The following TAFA2 variants were observed in gnomAD, a reference collection of about 807,000 sequenced individuals.
TAFA2 encodes the protein chemokine-like protein TAFA-2.
TAFA2 carries 7 observed loss-of-function variants against 18.8 expected under a neutral mutation model. That is an observed-to-expected ratio of 0.37 (90% CI 0.21 to 0.70). The LOEUF (loss-of-function observed/expected upper bound fraction) is 0.70. TAFA2 is among the 30% of genes least tolerant of loss of function. TAFA2 has a pLI of 0.53. For missense variants in TAFA2, 122 were observed against 158.1 expected (o/e 0.77, Z 1.23); for synonymous variants, 60 against 54.2 (o/e 1.11, Z -0.47).
chr12:62,093,050 A>C (rs866490973), intron 1 of TAFA2, among the ~76,000 whole-genome samples: 8 of 152,140 alleles, frequency 5.3e-5, no homozygotes, highest in Middle Eastern at 3.4e-3. Context: ...TAATCAATAC[A>C]TCAGTCTATT....
chr12:62,178,709 C>A (rs1029990478), intron 1 of TAFA2, among the ~76,000 whole-genome samples: 2 of 152,168 alleles, frequency 1.3e-5, no homozygotes, highest in Non-Finnish European at 2.9e-5. Flanking sequence ...TTATGGAACC[C>A]ATATCTTTTA....
chr12:61,992,707 C>T (rs1880052176), intron 1 of TAFA2, among the ~76,000 whole-genome samples: 1 of 152,176 alleles, frequency 6.6e-6, no homozygotes, highest in African/African-American at 2.4e-5. Context: ...ACCACCTCCT[C>T]CAATCCCCTT....
chr12:61,818,390 T>C (rs976806147), intron 2 of TAFA2, among the ~76,000 whole-genome samples: 2 of 151,778 alleles, frequency 1.3e-5, no homozygotes, highest in Admixed American at 1.3e-4. Context: ...ATCAGTAAAA[T>C]TGGGATGAAA....
At chr12:61,796,542 G>A (rs1871197332) in intron 2 of TAFA2, among the ~76,000 whole-genome samples, 1 of 152,082 alleles carries the variant, frequency 6.6e-6, no homozygotes, top group African/African-American at 2.4e-5. Context: ...GAACTAGGGT[G>A]ACTGGGAAGA....
chr12:61,894,728 T>C (rs980968965), intron 1 of TAFA2, among the ~76,000 whole-genome samples: 1 of 152,192 alleles, frequency 6.6e-6, no homozygotes, highest in African/African-American at 2.4e-5. Flanking sequence ...ATTGCCCACA[T>C]GGTTCTTGTA....
intron 1 of TAFA2, among the ~76,000 whole-genome samples, chr12:61,977,267 G>T (rs530553317): frequency 1.3e-5 from 2 of 152,106 alleles, no homozygotes; most frequent in African/African-American, 2.4e-5. Context: ...CATTTAGCAG[G>T]ATCTTTGGAT....
intron 1 of TAFA2, among the ~76,000 whole-genome samples, chr12:62,215,614 A>C (rs1463274627): frequency 6.9e-6 from 1 of 144,742 alleles, no homozygotes; most frequent in Non-Finnish European, 1.5e-5. Flanking sequence ...GCTTAAGAGA[A>C]ACAACTCGTT....
At chr12:62,010,489 G>A (rs563965792) in intron 1 of TAFA2, among the ~76,000 whole-genome samples, 36 of 152,202 alleles carry the variant, frequency 2.4e-4, no homozygotes, top group African/African-American at 8.2e-4. Flanking sequence ...GTGCAGTGGC[G>A]TGATCTCAGC....
chr12:61,836,329 T>G (rs1364785187), intron 2 of TAFA2, among the ~76,000 whole-genome samples: 1 of 151,876 alleles, frequency 6.6e-6, no homozygotes, highest in Non-Finnish European at 1.5e-5. Flanking sequence ...TTTAAAATGG[T>G]GAGTGTAAAG....
intron 2 of TAFA2, among the ~76,000 whole-genome samples, chr12:61,830,438 C>A (rs1872675642): frequency 6.6e-6 from 1 of 151,526 alleles, no homozygotes; most frequent in South Asian, 2.1e-4. Flanking sequence ...AAAATCATGT[C>A]TTTTGCAGCA....
At chr12:61,811,112 A>C (rs1484538864) in intron 2 of TAFA2, among the ~76,000 whole-genome samples, 1 of 151,374 alleles carries the variant, frequency 6.6e-6, no homozygotes, top group African/African-American at 2.5e-5. Context: ...GCGTTCCTTA[A>C]AAAGGGAAGT....
intron 1 of TAFA2, among the ~76,000 whole-genome samples, chr12:62,220,753 T>TA (rs60803826): frequency 0.014 from 2,094 of 150,076 alleles, 34 homozygotes; most frequent in African/African-American, 0.039. Context: ...CTAAAACTGC[T>TA]AAAAAAAAAT....
intron 1 of TAFA2, among the ~76,000 whole-genome samples, chr12:62,221,215 GGGGAAGGAAGGAAGGAA>G (rs1565782381): frequency 6.1e-5 from 4 of 65,952 alleles, no homozygotes; most frequent in Non-Finnish European, 8.2e-5. Context: ...GGAAGGAAGG[GGGGAAGGAAGGAAGGAA>G]GGAAGGAAGG....
intron 1 of TAFA2, chr12:62,253,511 T>C (rs2062924516): frequency 6.6e-6 from 1 of 152,240 alleles, no homozygotes; most frequent in African/African-American, 2.4e-5. Flanking sequence ...ATCAAGGTTT[T>C]AGCAAGGCTC....
At chr12:62,030,325 A>C (rs565014318) in intron 1 of TAFA2, among the ~76,000 whole-genome samples, 90 of 152,286 alleles carry the variant, frequency 5.9e-4, no homozygotes, top group African/African-American at 2.2e-3. Flanking sequence ...GTGTGTAAGA[A>C]GGATCATCTA....
chr12:62,136,525 C>A (rs1359077555), intron 1 of TAFA2, among the ~76,000 whole-genome samples: 3 of 152,088 alleles, frequency 2.0e-5, no homozygotes, highest in Admixed American at 6.6e-5. Context: ...GAAATCACTG[C>A]ACAGAAAAAA....
intron 1 of TAFA2, among the ~76,000 whole-genome samples, chr12:62,162,583 G>A (rs1413964943): frequency 2.0e-5 from 3 of 152,136 alleles, no homozygotes. Context: ...TTTCTGGGAT[G>A]AAGGAGTTCT....
intron 2 of TAFA2, among the ~76,000 whole-genome samples, chr12:61,761,399 A>T (rs535771182): frequency 1.3e-5 from 2 of 152,038 alleles, no homozygotes; most frequent in African/African-American, 2.4e-5. Flanking sequence ...CCATAAATAC[A>T]TGGGTATGAA....
intron 1 of TAFA2, among the ~76,000 whole-genome samples, chr12:61,960,313 A>G (rs1044622539): frequency 6.6e-6 from 1 of 151,938 alleles, no homozygotes; most frequent in Non-Finnish European, 1.5e-5. Flanking sequence ...TCCCACATCT[A>G]TATTAAATGG....
Sources: allele counts gnomAD v4.1 joint callset (sites outside exome capture counted in the v4.1 genomes callset), GRCh38; gene constraint gnomAD v4.1.1; transcripts MANE v1.5; gene names NCBI Gene and HGNC (gene_info 2026-07-23, HGNC 2026-07-21).